The following CIDEC variants were observed in gnomAD, a reference collection of about 807,000 sequenced individuals.
CIDEC encodes cell death inducing DFFA like effector c.
A neutral mutation model predicts 21.9 loss-of-function variants in CIDEC; 11 were observed. The ratio of observed to expected loss-of-function variants is 0.50; its 90% CI spans 0.32 to 0.83. The LOEUF (loss-of-function observed/expected upper bound fraction) is 0.83. Among genes scored for constraint, CIDEC ranks in the 40% least tolerant of loss-of-function variants. The probability of loss-of-function intolerance (pLI) is 0.04; values close to 1 mark genes in which losing one functional copy is unlikely to be tolerated. For synonymous variants in CIDEC, 127 were observed against 124.9 expected (o/e 1.02, Z -0.11); for missense variants, 302 against 302.3 (o/e 1.00, Z 0.01).
chr3:9,872,805 T>C lies in CIDEC; in HGVS notation c.208-2483A>G, dbSNP rs371300820. The stretch of plus-strand genomic sequence containing the variant: ...GAGTTCGAGACCAGCCTAGCCAACA[T>C]GGTGAAACCCCGTCTCTACTAAAAT... On this transcript the variant is annotated intron_variant, in intron 4 of 6. Coordinates refer to ENST00000336832, the MANE Select transcript of CIDEC (RefSeq NM_001321142.2). Among the ~76,000 whole-genome samples, 11 of 152,092 alleles carry C rather than the reference T, an allele frequency of 7.2e-5. 1 individual carries two copies. The East Asian group carries it at 7.8e-4, about 11-fold the overall frequency.
chr3:9,876,274 G>C (rs192977414), intron 4 of CIDEC, among the ~76,000 whole-genome samples: 3 of 152,274 alleles, frequency 2.0e-5, no homozygotes, highest in Admixed American at 2.0e-4. Context: ...GGGAGTTTGA[G>C]ACCAGCCTGG....
At chr3:9,873,676 G>C (rs1435690331) in intron 4 of CIDEC, among the ~76,000 whole-genome samples, 1 of 152,176 alleles carries the variant, frequency 6.6e-6, no homozygotes, top group African/African-American at 2.4e-5. Flanking sequence ...TTCAATCCCA[G>C]TGAATGCACT....
At chr3:9,871,732 C>T (rs1245738126) in intron 4 of CIDEC, among the ~76,000 whole-genome samples, 8 of 151,680 alleles carry the variant, frequency 5.3e-5, no homozygotes, top group African/African-American at 1.2e-4. Context: ...TGGGTTCAAG[C>T]GATTCTCCTG....
intron 4 of CIDEC, among the ~76,000 whole-genome samples, chr3:9,872,928 G>A (rs1488363097): frequency 6.6e-6 from 1 of 152,208 alleles, no homozygotes; most frequent in Non-Finnish European, 1.5e-5. Context: ...GGCAGAGGTT[G>A]CAGTGAGCCT....
chr3:9,874,914 G>T (rs1012030015), intron 4 of CIDEC, among the ~76,000 whole-genome samples: 4 of 151,948 alleles, frequency 2.6e-5, no homozygotes, highest in African/African-American at 4.8e-5. Flanking sequence ...TATTATTTTT[G>T]TATAGACGGG....
At position 9,867,111 on chromosome 3, in the gene CIDEC, A is replaced by G. The variant is rs777846829; in HGVS notation, c.*23T>C. 9 of 1,612,272 alleles carry G rather than the reference A, an allele frequency of 5.6e-6. No individual in the cohort carries two copies. The highest frequency in any genetic ancestry group is 6.8e-6 in the Non-Finnish European group (8 of 1,179,782). ...GCCCCCAGTCAGTCCTTCACTGGGGAAAGCTTCCAAGGACTTGGGCTTTCA... is the reference window on the plus strand; with the variant it reads ...GCCCCCAGTCAGTCCTTCACTGGGGGAAGCTTCCAAGGACTTGGGCTTTCA... On this transcript the variant is annotated 3_prime_UTR_variant, in exon 7 of 7. Coordinates refer to ENST00000336832, the MANE Select transcript of CIDEC (RefSeq NM_001321142.2).
At position 9,870,176 on chromosome 3, in the gene CIDEC, G is replaced by A; in HGVS notation, c.354C>T (p.Pro118=). 1 of 1,614,104 alleles carries A rather than the reference G, an allele frequency of 6.2e-7. No homozygotes were observed. The highest frequency in any genetic ancestry group is 8.5e-7 in the Non-Finnish European group (1 of 1,180,010). Residue 118 remains proline (P), a synonymous_variant, in exon 5 of 7, where the codon CCC becomes CCT. Coordinates refer to ENST00000336832, the MANE Select transcript of CIDEC (RefSeq NM_001321142.2). ...MVLQKGQKWQ[P]PSEQGTRHPL... Reference sequence around the variant, plus strand: ...GGTGGGACCTCACCTGTTCTGATGGGGGCTGCCATTTCTGCCCCTTCTGGA... The same window carrying A: ...GGTGGGACCTCACCTGTTCTGATGGAGGCTGCCATTTCTGCCCCTTCTGGA...
intron 4 of CIDEC, among the ~76,000 whole-genome samples, chr3:9,874,934 T>C (rs1443696627): frequency 1.3e-5 from 2 of 152,084 alleles, no homozygotes; most frequent in African/African-American, 2.4e-5. Context: ...GGTCTCACCA[T>C]GTTGCCCAGG....
At position 9,867,184 on chromosome 3, in the gene CIDEC, T is replaced by TG; in HGVS notation, c.666dup (p.Lys223GlnfsTer28). 2 of 1,613,980 alleles carry TG rather than the reference T, an allele frequency of 1.2e-6. No individual in the cohort carries two copies. Among genetic ancestry groups the TG allele is most frequent in the Non-Finnish European group, 8.5e-7 (1 of 1,180,030 alleles). ...GGGATAAGGGATGAGGCCTTGCCCT[T>TG]GGGGGGCTGCCCTTCCTCCGTAGCA... On this transcript the variant is annotated frameshift_variant, in exon 7 of 7. Coordinates refer to ENST00000336832, the MANE Select transcript of CIDEC (RefSeq NM_001321142.2). LOFTEE classifies it high-confidence loss of function.
Position 9,877,168 on chromosome 3 carries a change from G to C in CIDEC, c.105C>G (p.Pro35=). 1.3e-6 allele frequency: 2 copies of C among 1,551,340 alleles called. No homozygotes were observed. The highest frequency in any genetic ancestry group is 2.4e-5 in the South Asian group (2 of 84,042). ...GCCGGGCCCTGGGGGCCTTGGGGCT[G>C]GGCTCCGACAGCAGCTGCTGGGTCA... The part of the protein sequence containing the change: ...SVVTQQLLSE[P]SPKAPRARPC... The change falls in exon 4 of 7, where the codon CCC becomes CCG. Residue 35 remains proline, a synonymous_variant. Coordinates refer to ENST00000336832, the MANE Select transcript of CIDEC (RefSeq NM_001321142.2).
At position 9,879,452 on chromosome 3, in the gene CIDEC, G is replaced by A. The variant is rs1054493252; in HGVS notation, c.-138-398C>T. 3.3e-5 allele frequency among the ~76,000 whole-genome samples: 5 copies of A among 152,180 alleles called. No homozygotes were observed. The South Asian group carries it at 6.2e-4, about 19-fold the overall frequency. On this transcript the variant is annotated intron_variant, in intron 1 of 6. Coordinates refer to ENST00000336832, the MANE Select transcript of CIDEC (RefSeq NM_001321142.2). ...CTCCCAAAGTGCGGGGATTACAGGC[G>A]TGAGCCACTGCACCTGGCACAGGAG...
At chr3:9,876,932 C>T in intron 4 of CIDEC, 134 bp downstream of exon 4, 2 of 730,436 alleles carry the variant, frequency 2.7e-6, no homozygotes, top group South Asian at 1.6e-5. Context: ...TTGGACAGCT[C>T]TCCAGGTGGG....
At chr3:9,876,764 A>G (rs2082428330) in intron 4 of CIDEC, among the ~76,000 whole-genome samples, 1 of 93,282 alleles carries the variant, frequency 1.1e-5, no homozygotes, top group African/African-American at 4.0e-5. Context: ...TCTCAAAAAA[A>G]AAAAAAAAAA....
At chr3:9,879,877 T>G (rs1376810065) in intron 1 of CIDEC, among the ~76,000 whole-genome samples, 1 of 152,132 alleles carries the variant, frequency 6.6e-6, no homozygotes, top group Non-Finnish European at 1.5e-5. Flanking sequence ...TGAGGTCCTC[T>G]TCCTATTCGA....
intron 6 of CIDEC, among the ~76,000 whole-genome samples, chr3:9,868,687 T>C (rs1368940876): frequency 2.6e-5 from 4 of 152,210 alleles, no homozygotes; most frequent in Non-Finnish European, 5.9e-5. Context: ...TAAGAAAAGT[T>C]CATTATATAG....
Position 9,867,028 on chromosome 3 carries a change from G to C in CIDEC, c.*106C>G, listed in dbSNP as rs188897644. The C allele has an allele frequency of 7.4e-3, 9,125 of 1,238,882 alleles. 46 individuals carry two copies. The highest frequency in any genetic ancestry group is 8.8e-3 in the Non-Finnish European group (7,365 of 839,574). The allele number at this position is 1,238,882 out of a possible 1,614,324, so 76.7% of individuals were successfully genotyped here. A position where few individuals can be genotyped will look rare whatever the true frequency, so the allele number is the denominator to read the frequency against. ...GGGTCCTGCGCGGTGAGGGAGGTGT[G>C]GGGAGGTTCGCGGCTCTACAGCTGC... is the stretch of plus-strand genomic sequence containing the variant. On this transcript the variant is annotated 3_prime_UTR_variant, in exon 7 of 7. Transcript: ENST00000336832.
Position 9,867,134 on chromosome 3 carries a change from T to C in CIDEC, c.717A>G (p.Ter239TrpextTer22). The C allele has an allele frequency of 6.2e-7, 1 of 1,613,146 alleles. No individual in the cohort carries two copies. The highest frequency in any genetic ancestry group is 8.5e-7 in the Non-Finnish European group (1 of 1,180,032). ...LIPTCLKILQ[*>W] ...GGAAAGCTTCCAAGGACTTGGGCTT[T>C]CACTGCAGTATCTTCAGACAGGTCG... Residue 239 changes from the stop codon to tryptophan, a stop_lost, in exon 7 of 7, where the codon TGA becomes TGG. Transcript: ENST00000336832.
At chr3:9,872,859 C>T (rs1426691255) in intron 4 of CIDEC, among the ~76,000 whole-genome samples, 1 of 151,986 alleles carries the variant, frequency 6.6e-6, no homozygotes, top group Non-Finnish European at 1.5e-5. Context: ...CGTGGTGGTG[C>T]GCGCCTGTAG....
intron 4 of CIDEC, among the ~76,000 whole-genome samples, chr3:9,871,568 CTCCAG>C (rs2082348262): frequency 6.6e-6 from 1 of 152,066 alleles, no homozygotes; most frequent in Non-Finnish European, 1.5e-5. Flanking sequence ...CGTATGAGAA[CTCCAG>C]TCTCCTTACA....
Sources: allele counts gnomAD v4.1 joint callset (sites outside exome capture counted in the v4.1 genomes callset), GRCh38; gene constraint gnomAD v4.1.1; transcripts MANE v1.5; gene names NCBI Gene and HGNC (gene_info 2026-07-23, HGNC 2026-07-21).